TRAP1: variants seen among roughly 807,000 people sequenced by gnomAD.
TRAP1 encodes the protein heat shock protein 75 kDa, mitochondrial.
TRAP1 carries 102 observed loss-of-function variants against 89.1 expected under a neutral mutation model. The ratio of observed to expected loss-of-function variants is 1.15; its 90% CI spans 0.98 to 1.35. The LOEUF is 1.35. TRAP1 is among the 40% of genes most tolerant of loss of function. TRAP1 has a pLI of 0.00. For synonymous variants in TRAP1, 508 were observed against 388.0 expected (o/e 1.31, Z -3.64); for missense variants, 1,256 against 945.3 (o/e 1.33, Z -4.31).
At chr16:3,686,625 G>A (rs1304293794) in intron 3 of TRAP1, among the ~76,000 whole-genome samples, 1 of 152,154 alleles carries the variant, frequency 6.6e-6, no homozygotes, top group African/African-American at 2.4e-5. Flanking sequence ...CCCTTTTCAG[G>A]ATTTTTAATC....
chr16:3,701,028 G>C (rs953197926), intron 1 of TRAP1, among the ~76,000 whole-genome samples: 3 of 152,052 alleles, frequency 2.0e-5, no homozygotes, highest in African/African-American at 7.2e-5. Flanking sequence ...AATTGGTAAA[G>C]GAAGACCTAA....
chr16:3,703,161 C>T (rs2051392543), intron 1 of TRAP1, among the ~76,000 whole-genome samples: 1 of 147,882 alleles, frequency 6.8e-6, no homozygotes, highest in Non-Finnish European at 1.5e-5. Context: ...ACCCCAGGAA[C>T]AAAAACTAAA....
At chr16:3,685,631 G>A (rs2051128819) in intron 4 of TRAP1, among the ~76,000 whole-genome samples, 1 of 152,132 alleles carries the variant, frequency 6.6e-6, no homozygotes, top group South Asian at 2.1e-4. Flanking sequence ...CCACAGCACT[G>A]CTTCGTCGGC....
chr16:3,666,418 T>C (rs1410791496), intron 11 of TRAP1, among the ~76,000 whole-genome samples: 1 of 151,992 alleles, frequency 6.6e-6, no homozygotes, highest in Non-Finnish European at 1.5e-5. Flanking sequence ...TTGTTCCAAT[T>C]ATAGGAACTG....
At chr16:3,672,620 G>A in intron 10 of TRAP1, 80 bp downstream of exon 10, 1 of 1,486,394 alleles carries the variant, frequency 6.7e-7, no homozygotes, top group Non-Finnish European at 8.9e-7. Context: ...TGCTGAGAAT[G>A]GAATCAGCAC....
At chr16:3,710,877 A>ATTT (rs1461150566) in intron 1 of TRAP1, among the ~76,000 whole-genome samples, 8 of 93,584 alleles carry the variant, frequency 8.5e-5, no homozygotes, top group African/African-American at 2.2e-4. Context: ...ATATATATAT[A>ATTT]TATTTTTTTT....
chr16:3,661,829 A>G, intron 16 of TRAP1, 158 bp downstream of exon 16: 1 of 952,308 alleles, frequency 1.1e-6, no homozygotes, highest in Non-Finnish European at 1.4e-6. Context: ...TCCATTTCAC[A>G]TGGGTGCAGC....
intron 1 of TRAP1, among the ~76,000 whole-genome samples, chr16:3,701,226 C>A (rs549320177): frequency 7.9e-5 from 12 of 152,024 alleles, no homozygotes; most frequent in Non-Finnish European, 1.2e-4. Flanking sequence ...CAGAATACTA[C>A]AACAAACAAT....
At position 3,658,212 on chromosome 16, in the gene TRAP1, T is replaced by A. The variant is rs1221871910; in HGVS notation, c.2032A>T (p.Ile678Phe). ...LVDQIYENAM[I>F]AAGLVDDPRA... ...GGGTCGTCAACAAGTCCAGCAGCAA[T>A]CATGGCGTTCTCGTATATCTGAAAG... The change falls in exon 18 of 18, where the codon ATT becomes TTT. Residue 678 changes from isoleucine to phenylalanine, a missense_variant. Physicochemically the swap from Ile to Phe is conservative, Grantham distance 21. Coordinates refer to ENST00000246957, the MANE Select transcript of TRAP1 (RefSeq NM_016292.3). 6.2e-7 allele frequency: 1 copy of A among 1,613,636 alleles called. No homozygotes were observed. Among genetic ancestry groups the A allele is most frequent in the East Asian group, 2.2e-5 (1 of 44,838 alleles).
intron 4 of TRAP1, among the ~76,000 whole-genome samples, chr16:3,684,806 A>T (rs1355330396): frequency 1.3e-5 from 2 of 152,194 alleles, no homozygotes; most frequent in Non-Finnish European, 2.9e-5. Flanking sequence ...AAAGGAAAAA[A>T]GATGAAACAA....
intron 13 of TRAP1, 189 bp downstream of exon 13, chr16:3,664,081 CAAAA>C (rs375478230): frequency 1.5e-5 from 9 of 593,186 alleles, no homozygotes; most frequent in African/African-American, 7.7e-5. Flanking sequence ...AAAAAACAAA[CAAAA>C]AAAACCACAT....
Position 3,677,662 on chromosome 16 carries a change from T to C in TRAP1, c.544-4A>G. 6.2e-7 allele frequency: 1 copy of C among 1,612,976 alleles called. No individual in the cohort carries two copies. The highest frequency in any genetic ancestry group is 8.5e-7 in the Non-Finnish European group (1 of 1,179,696). ...TCTGCAGAGCATCCAGGAAGGCCTGTGGGGCAGAGGCCAGTTAGTGAGGCA... is the reference window on the plus strand; with the variant it reads ...TCTGCAGAGCATCCAGGAAGGCCTGCGGGGCAGAGGCCAGTTAGTGAGGCA... On this transcript the variant is annotated splice_polypyrimidine_tract_variant and splice_region_variant and intron_variant, in intron 5 of 17. Coordinates refer to ENST00000246957, the MANE Select transcript of TRAP1 (RefSeq NM_016292.3).
At chr16:3,707,514 A>G (rs543172056) in intron 1 of TRAP1, among the ~76,000 whole-genome samples, 3 of 152,006 alleles carry the variant, frequency 2.0e-5, no homozygotes, top group South Asian at 4.2e-4. Flanking sequence ...AACAAAATAT[A>G]TAACCCAAAA....
chr16:3,686,224 A>G (rs2051136942), intron 3 of TRAP1, 88 bp from the exon 4 acceptor site: 4 of 1,459,576 alleles, frequency 2.7e-6, no homozygotes, highest in Non-Finnish European at 9.5e-7. Context: ...AATAACTGTT[A>G]AAAGGTAGAG....
At chr16:3,701,570 A>T (rs567079254) in intron 1 of TRAP1, among the ~76,000 whole-genome samples, 1 of 147,028 alleles carries the variant, frequency 6.8e-6, no homozygotes, top group East Asian at 2.0e-4. Context: ...AAAAAAAAAT[A>T]GCCAGACAGT....
In TRAP1 at chr16:3,658,201, TCCAGCAG is replaced by T. The variant is rs1286759694; in HGVS notation, c.2036_2042del (p.Ala679AspfsTer13). ...CCATGGCCCTAGGGTCGTCAACAAG[TCCAGCAG>T]CAATCATGGCGTTCTCGTATATCTG... On this transcript the variant is annotated frameshift_variant, in exon 18 of 18. Coordinates refer to ENST00000246957, the MANE Select transcript of TRAP1 (RefSeq NM_016292.3). LOFTEE classifies it high-confidence loss of function. The T allele has an allele frequency of 2.5e-6, 4 of 1,613,658 alleles. No individual in the cohort carries two copies. The highest frequency in any genetic ancestry group is 3.4e-6 in the Non-Finnish European group (4 of 1,179,992).
intron 15 of TRAP1, chr16:3,662,383 C>A (rs1030958067): frequency 1.2e-5 from 7 of 584,062 alleles, no homozygotes; most frequent in Non-Finnish European, 2.1e-5. Flanking sequence ...AGGAGCTGCC[C>A]GAATCCATCG....
rs759452840 is a variant in TRAP1 at position 3,679,796 on chromosome 16, G to C, written c.472-6C>G. ...GTCATCCCGATACCAGTATCCTGAG[G>C]AGAGAGACGCACTAAGTGCCAAGCC... On this transcript the variant is annotated splice_polypyrimidine_tract_variant and splice_region_variant and intron_variant, in intron 4 of 17. Coordinates refer to ENST00000246957, the MANE Select transcript of TRAP1 (RefSeq NM_016292.3). 1.2e-6 allele frequency: 2 copies of C among 1,613,968 alleles called. No individual in the cohort carries two copies. The highest frequency in any genetic ancestry group is 3.3e-5 in the Admixed American group (2 of 60,028).
intron 11 of TRAP1, among the ~76,000 whole-genome samples, chr16:3,671,103 G>C (rs116309419): frequency 1.3e-5 from 2 of 152,256 alleles, no homozygotes; most frequent in African/African-American, 4.8e-5. Flanking sequence ...GCTGCACGTG[G>C]TGGGCTCTTG....
Sources: allele counts gnomAD v4.1 joint callset (sites outside exome capture counted in the v4.1 genomes callset), GRCh38; gene constraint gnomAD v4.1.1; transcripts MANE v1.5; gene names NCBI Gene and HGNC (gene_info 2026-07-23, HGNC 2026-07-21).